KDM2B: variants seen among roughly 807,000 people sequenced by gnomAD.
The protein encoded by KDM2B is lysine demethylase 2B.
In KDM2B, 26 loss-of-function variants were observed where a neutral mutation model predicts 150.0. That is an observed-to-expected ratio of 0.17 (90% CI 0.13 to 0.24). The LOEUF (loss-of-function observed/expected upper bound fraction) is 0.24, where lower values mean the gene tolerates loss of function less well. Ranked by LOEUF, KDM2B falls within the 10% of genes least tolerant of loss-of-function variation. The pLI is 1.00. For synonymous variants in KDM2B, 734 were observed against 729.5 expected (o/e 1.01, Z -0.10); for missense variants, 1,265 against 1,816.9 (o/e 0.70, Z 5.52).
At chr12:121,484,349 C>G (rs543078447) in intron 12 of KDM2B, among the ~76,000 whole-genome samples, 1 of 151,992 alleles carries the variant, frequency 6.6e-6, no homozygotes, top group Non-Finnish European at 1.5e-5. Flanking sequence ...AAGGGCACTC[C>G]GAGAAGGAAG....
At chr12:121,418,236 G>GC in the KDM2B span, 1 of 261,872 alleles carries the variant, frequency 3.8e-6, no homozygotes, top group South Asian at 7.3e-5. Flanking sequence ...CACATTTGTA[G>GC]TGTTATGTGT....
intron 11 of KDM2B, among the ~76,000 whole-genome samples, chr12:121,496,493 CTTTTTTTT>C (rs782450832): frequency 8.2e-6 from 1 of 121,480 alleles, no homozygotes; most frequent in East Asian, 2.3e-4. Flanking sequence ...GCTCATTGTC[CTTTTTTTT>C]TTTTTTTTTT....
chr12:121,426,496 G>T (rs116152010), downstream of KDM2B, among the ~76,000 whole-genome samples: 1,774 of 145,814 alleles, frequency 0.012, 44 homozygotes, highest in African/African-American at 0.044. Flanking sequence ...CACCCAGGCA[G>T]AGTACAGTGG....
chr12:121,555,527 C>T (rs1278565072), intron 4 of KDM2B, among the ~76,000 whole-genome samples: 1 of 152,142 alleles, frequency 6.6e-6, no homozygotes, highest in African/African-American at 2.4e-5. Flanking sequence ...CGTGGGCCAC[C>T]ATACCCGGCT....
chr12:121,420,270 CAGA>C, the KDM2B span: 2 of 1,604,304 alleles, frequency 1.2e-6, no homozygotes, highest in Admixed American at 1.7e-5. Context: ...TCAGCAAACA[CAGA>C]AGATGATGAT....
At chr12:121,459,845 A>C (rs541479228) in intron 12 of KDM2B, among the ~76,000 whole-genome samples, 7 of 152,226 alleles carry the variant, frequency 4.6e-5, no homozygotes, top group South Asian at 4.1e-4. Flanking sequence ...AAAAAAAAAA[A>C]AACTTTGGTG....
chr12:121,556,659 T>G (rs1889923574), intron 4 of KDM2B, among the ~76,000 whole-genome samples: 1 of 152,166 alleles, frequency 6.6e-6, no homozygotes, highest in Non-Finnish European at 1.5e-5. Context: ...GAGACTAACC[T>G]GGACAACATG....
At position 121,430,210 on chromosome 12, in the gene KDM2B, T is replaced by C. The variant is rs1555285140; in HGVS notation, c.*78A>G. 3.7e-6 allele frequency: 6 copies of C among 1,614,042 alleles called. No homozygotes were observed. The African/African-American group carries it at 5.3e-5, about 14-fold the overall frequency. Reference sequence around the variant, plus strand: ...GTGGTCTGTTGTCCCACGTTCCAAATGGAAAATAAAAGCCCTCATTTTTGT... The same window carrying C: ...GTGGTCTGTTGTCCCACGTTCCAAACGGAAAATAAAAGCCCTCATTTTTGT... On this transcript the variant is annotated 3_prime_UTR_variant, in exon 23 of 23. Transcript: ENST00000377071. This position sits in a 1 kb window ranked among gnomAD's most constrained non-coding sequence, Gnocchi z 4.4.
At chr12:121,527,032 GA>G (rs1206258377) in intron 8 of KDM2B, among the ~76,000 whole-genome samples, 2 of 151,954 alleles carry the variant, frequency 1.3e-5, no homozygotes, top group Admixed American at 1.3e-4. Context: ...CGCTCTGTCT[GA>G]AAAATTAAAT....
At chr12:121,523,922 G>A (rs1436685960) in intron 8 of KDM2B, among the ~76,000 whole-genome samples, 2 of 152,140 alleles carry the variant, frequency 1.3e-5, no homozygotes, top group African/African-American at 2.4e-5. Flanking sequence ...CATGGCTGCC[G>A]CCCTGAAAGA....
At chr12:121,439,719 G>A (rs1874655707) in intron 22 of KDM2B, 138 bp downstream of exon 22, 2 of 680,626 alleles carry the variant, frequency 2.9e-6, no homozygotes, top group Non-Finnish European at 5.2e-6. Flanking sequence ...CCCCTGGACT[G>A]GGCTGTCTGT....
chr12:121,439,918 G>C lies in KDM2B; in HGVS notation c.3768C>G (p.Ile1256Met). The change falls in exon 22 of 23, where the codon ATC becomes ATG. Residue 1256 changes from isoleucine (I) to methionine (M), a missense_variant. By Grantham distance (10) the Ile-to-Met change is conservative. Around this residue, in one of 11 missense-constraint regions of KDM2B, gnomAD observed 251 missense variants for 397.8 expected, o/e 0.63. Transcript: ENST00000377071. ...SYCNHVTDQS[I>M]NLLTAVGTTT... ...TGGTGCCAACAGCAGTGAGCAGGTT[G>C]ATAGACTGGTCGGTGACGTGGTTAC... The C allele has an allele frequency of 6.2e-7, 1 of 1,614,248 alleles. No individual in the cohort carries two copies. The highest frequency in any genetic ancestry group is 2.2e-5 in the East Asian group (1 of 44,888).
intron 9 of KDM2B, chr12:121,516,986 C>T: frequency 1.7e-6 from 1 of 598,294 alleles, no homozygotes. Context: ...GGGAATGGGG[C>T]ATGTCGGCAT....
At chr12:121,510,426 A>G (rs539569029) in intron 10 of KDM2B, among the ~76,000 whole-genome samples, 1 of 152,078 alleles carries the variant, frequency 6.6e-6, no homozygotes, top group Admixed American at 6.5e-5. Flanking sequence ...TTTTTTTTTA[A>G]GCTTTTTTTG....
chr12:121,458,166 T>C (rs901506548), intron 12 of KDM2B, among the ~76,000 whole-genome samples: 4 of 151,892 alleles, frequency 2.6e-5, no homozygotes, highest in African/African-American at 9.7e-5. Flanking sequence ...GCAGATCGCT[T>C]GAGCTCAGGA....
At chr12:121,555,725 T>TC (rs1302085220) in intron 4 of KDM2B, among the ~76,000 whole-genome samples, 6 of 151,842 alleles carry the variant, frequency 4.0e-5, no homozygotes, top group South Asian at 2.1e-4. Context: ...TGGATATTTT[T>TC]CCCCCCCAAA....
chr12:121,453,100 TG>T lies in KDM2B; in HGVS notation c.1959+19del. ...CAGGGGCCTGAATCGAGCGCAGGGC[TG>T]GGCGGGGGCCGCACTCACCGCGATG... On this transcript the variant is annotated intron_variant, in intron 13 of 22. Coordinates refer to ENST00000377071, the MANE Select transcript of KDM2B (RefSeq NM_032590.5). This position sits in a 1 kb window ranked among gnomAD's most constrained non-coding sequence, Gnocchi z 6.4. The T allele has an allele frequency of 6.3e-7, 1 of 1,587,092 alleles. No homozygotes were observed.
rs957337289 is a variant in KDM2B at position 121,536,550 on chromosome 12, G to A, written c.684-1960C>T. On this transcript the variant is annotated intron_variant, in intron 6 of 22. Transcript: ENST00000377071. ...CCTCTTCTCTCTAAGGAAAGGGGGGGTCCTGAAGCCCTCACCCACCCCACC... is the reference window on the plus strand; with the variant it reads ...CCTCTTCTCTCTAAGGAAAGGGGGGATCCTGAAGCCCTCACCCACCCCACC... Among the ~76,000 whole-genome samples the A allele has an allele frequency of 9.2e-5, 14 of 152,138 alleles. 1 individual carries two copies. The East Asian group carries it at 1.9e-3, about 21-fold the overall frequency.
At chr12:121,497,181 C>A (rs548875401) in intron 11 of KDM2B, among the ~76,000 whole-genome samples, 62 of 152,230 alleles carry the variant, frequency 4.1e-4, no homozygotes, top group Middle Eastern at 3.4e-3. Context: ...CCCCAAAGTC[C>A]CATAGTCAAT....
Sources: gnomAD v4.1 joint callset for allele counts (sites outside exome capture counted in the v4.1 genomes callset) on GRCh38, gnomAD v4.1.1 for gene constraint, gnomAD v4.1.1 regional missense constraint, Gnocchi (gnomAD v3.1) non-coding constraint, MANE v1.5 for transcripts, NCBI Gene and HGNC (gene_info 2026-07-23, HGNC 2026-07-21) for gene names.